R3HDM2: variants seen among roughly 807,000 people sequenced by gnomAD.
R3HDM2 encodes R3H domain containing 2, also known as R3H domain-containing protein 2.
A neutral mutation model predicts 124.5 loss-of-function variants in R3HDM2; 38 were observed. The observed-to-expected ratio is 0.31, with a 90% CI of 0.24 to 0.40. R3HDM2 has a LOEUF of 0.40. Ranked by LOEUF, R3HDM2 falls within the 10% of genes least tolerant of loss-of-function variation. R3HDM2 has a pLI of 1.00. For missense variants in R3HDM2, 869 were observed against 1,236.9 expected (o/e 0.70, Z 4.46); for synonymous variants, 391 against 448.0 (o/e 0.87, Z 1.61).
At chr12:57,330,613 G>T (rs559236561) in intron 2 of R3HDM2, among the ~76,000 whole-genome samples, 6 of 151,534 alleles carry the variant, frequency 4.0e-5, no homozygotes, top group Admixed American at 3.3e-4. Context: ...CCAAAGTGCT[G>T]GGATTACAAG....
intron 3 of R3HDM2, chr12:57,304,453 A>G: frequency 2.1e-6 from 2 of 949,690 alleles, no homozygotes; most frequent in Non-Finnish European, 2.5e-6. Context: ...GGGAGGGGAA[A>G]CAAGTCAGAG....
intron 2 of R3HDM2, among the ~76,000 whole-genome samples, chr12:57,358,487 A>T (rs2061539407): frequency 6.6e-6 from 1 of 152,026 alleles, no homozygotes. Context: ...AAATACAAAA[A>T]AATAAAAAAA....
At chr12:57,309,804 G>T (rs998318243) in intron 3 of R3HDM2, among the ~76,000 whole-genome samples, 1 of 152,188 alleles carries the variant, frequency 6.6e-6, no homozygotes, top group African/African-American at 2.4e-5. Context: ...CTTCATTGTG[G>T]ACTATATGAC....
intron 14 of R3HDM2, among the ~76,000 whole-genome samples, chr12:57,279,331 C>T (rs988787723): frequency 2.0e-5 from 3 of 151,278 alleles, no homozygotes; most frequent in East Asian, 2.0e-4. Flanking sequence ...TACAGGCACC[C>T]GCCACCATAC....
rs187428066 is a variant in R3HDM2 at position 57,370,438 on chromosome 12, C to G, written c.-36+25311G>C. The stretch of plus-strand genomic sequence containing the variant: ...GGTGGATCACCTGAGGTCGGGAGTT[C>G]AAGACCAGCCTGACCAACATGGAAA... On this transcript the variant is annotated intron_variant, in intron 2 of 23. Coordinates refer to ENST00000402412, the MANE Select transcript of R3HDM2 (RefSeq NM_001394031.1). Among the ~76,000 whole-genome samples the G allele has an allele frequency of 2.9e-3, 377 of 130,582 alleles. 7 individuals carry two copies. Among genetic ancestry groups the G allele is most frequent in the Non-Finnish European group, 4.1e-3 (260 of 63,230 alleles). The allele number at this position is 130,582 out of a possible 152,430, so 85.7% of individuals were successfully genotyped here.
chr12:57,316,781 A>C, intron 2 of R3HDM2, among the ~76,000 whole-genome samples: 2 of 142,708 alleles, frequency 1.4e-5, no homozygotes, highest in South Asian at 2.2e-4. Context: ...ATGGAGTCTC[A>C]CTCTGTCACC....
In R3HDM2 at chr12:57,258,002, C is replaced by T; in HGVS notation, c.2437G>A (p.Gly813Ser). The change falls in exon 21 of 24, where the codon GGT becomes AGT. Residue 813 changes from glycine to serine, a missense_variant. By Grantham distance (56) the Gly-to-Ser change is moderately conservative. Around this residue, in one of 2 missense-constraint regions of R3HDM2, gnomAD observed 602 missense variants for 789.2 expected, o/e 0.76. Transcript: ENST00000402412. ...PVLTQFPRPGGPAQGDGRYSL... is the reference protein window; with the variant it reads ...PVLTQFPRPGSPAQGDGRYSL... ...TCTAACCCCCTACCCTGTGCTGGAC[C>T]CCCAGGCCGGGGGAACTGTGTGAGG... 1.3e-6 allele frequency: 2 copies of T among 1,563,272 alleles called. No homozygotes were observed. The highest frequency in any genetic ancestry group is 1.7e-6 in the Non-Finnish European group (2 of 1,147,042).
intron 14 of R3HDM2, 114 bp from the exon 15 acceptor site, chr12:57,270,108 G>C: frequency 7.8e-7 from 1 of 1,279,844 alleles, no homozygotes. Context: ...TAAAACAATG[G>C]GGGATAGTCC....
intron 2 of R3HDM2, among the ~76,000 whole-genome samples, chr12:57,321,777 T>C (rs2056494489): frequency 6.6e-6 from 1 of 152,204 alleles, no homozygotes; most frequent in African/African-American, 2.4e-5. Context: ...TCTATTTATG[T>C]GAAGCTCAAG....
At chr12:57,339,537 A>G (rs1286465084) in intron 2 of R3HDM2, among the ~76,000 whole-genome samples, 1 of 151,976 alleles carries the variant, frequency 6.6e-6, no homozygotes, top group Non-Finnish European at 1.5e-5. Flanking sequence ...ATCTGTACTA[A>G]AAATACAAAA....
chr12:57,305,284 A>G (rs1464757169), intron 3 of R3HDM2, among the ~76,000 whole-genome samples: 1 of 152,138 alleles, frequency 6.6e-6, no homozygotes, highest in Non-Finnish European at 1.5e-5. Context: ...GATCTACCCC[A>G]TTTTTAATGG....
At chr12:57,286,134 G>C (rs1212364984) in intron 12 of R3HDM2, among the ~76,000 whole-genome samples, 3 of 152,176 alleles carry the variant, frequency 2.0e-5, no homozygotes, top group African/African-American at 7.2e-5. Context: ...GTATGTTGGA[G>C]AGATGGAGGT....
intron 2 of R3HDM2, among the ~76,000 whole-genome samples, chr12:57,329,749 A>AAAAAATG (rs1555264163): frequency 6.7e-6 from 1 of 150,260 alleles, no homozygotes; most frequent in Non-Finnish European, 1.5e-5. Context: ...CCGTCTCAAA[A>AAAAAATG]AAAAAGAAAA....
chr12:57,322,839 C>G (rs1033346561), intron 2 of R3HDM2, among the ~76,000 whole-genome samples: 6 of 152,088 alleles, frequency 3.9e-5, no homozygotes, highest in Non-Finnish European at 7.4e-5. Context: ...CATTCAGAAG[C>G]ATTCTGGGGT....
intron 2 of R3HDM2, among the ~76,000 whole-genome samples, chr12:57,384,814 G>A (rs2065457375): frequency 6.6e-6 from 1 of 152,136 alleles, no homozygotes; most frequent in African/African-American, 2.4e-5. Context: ...AGAAAAAAAA[G>A]AATAGAGGCA....
chr12:57,402,499 G>A (rs1452882245), intron 1 of R3HDM2, among the ~76,000 whole-genome samples: 1 of 151,952 alleles, frequency 6.6e-6, no homozygotes, highest in Non-Finnish European at 1.5e-5. Flanking sequence ...ACCATGTCCA[G>A]CTAATTTTTA....
chr12:57,287,149 G>C (rs910190542), intron 12 of R3HDM2, among the ~76,000 whole-genome samples: 1 of 152,128 alleles, frequency 6.6e-6, no homozygotes, highest in African/African-American at 2.4e-5. Flanking sequence ...TGTAAACTTG[G>C]GCTAGCCACT....
intron 12 of R3HDM2, among the ~76,000 whole-genome samples, chr12:57,287,323 G>A (rs1332345479): frequency 1.3e-5 from 2 of 152,162 alleles, no homozygotes; most frequent in African/African-American, 4.8e-5. Flanking sequence ...GTTATCCTGG[G>A]ATGATCTATG....
chr12:57,418,809 C>T (rs2069903521), intron 1 of R3HDM2, among the ~76,000 whole-genome samples: 2 of 152,102 alleles, frequency 1.3e-5, no homozygotes, highest in African/African-American at 4.8e-5. Flanking sequence ...GTGATCTGCC[C>T]GCCTTAACCT....
Sources: allele counts gnomAD v4.1 joint callset (sites outside exome capture counted in the v4.1 genomes callset), GRCh38; gene constraint gnomAD v4.1.1; regional missense constraint gnomAD v4.1.1; transcripts MANE v1.5; gene names NCBI Gene and HGNC (gene_info 2026-07-23, HGNC 2026-07-21).